ANKRD37: variants seen among roughly 807,000 people sequenced by gnomAD.
The protein encoded by ANKRD37 is ankyrin repeat domain 37.
In ANKRD37, 17 loss-of-function variants were observed where a neutral mutation model predicts 19.7. The ratio of observed to expected loss-of-function variants is 0.86; its 90% CI spans 0.59 to 1.29. ANKRD37 has a LOEUF of 1.29. Ranked by LOEUF, ANKRD37 falls within the 50% of genes most tolerant of loss-of-function variation. ANKRD37 has a pLI of 0.00. For missense variants in ANKRD37, 207 were observed against 190.4 expected (o/e 1.09, Z -0.51); for synonymous variants, 79 against 74.5 (o/e 1.06, Z -0.31).
Position 185,397,448 on chromosome 4 carries a change from G to A in ANKRD37, c.180+146G>A, listed in dbSNP as rs1038289837. 13 of 1,134,348 alleles carry A rather than the reference G, an allele frequency of 1.1e-5. No individual in the cohort carries two copies. In the African/African-American group the frequency reaches 1.6e-4, roughly 14 times the overall value. 70.3% of individuals were successfully genotyped at this position (1,134,348 alleles called of 1,614,324 possible). A position where few individuals can be genotyped will look rare whatever the true frequency, so the allele number is the denominator to read the frequency against. On this transcript the variant is annotated intron_variant, in intron 2 of 4. Coordinates refer to ENST00000335174, the MANE Select transcript of ANKRD37 (RefSeq NM_181726.4). ...CAGAAATATAATGCAAGACACAGAT[G>A]TAATTTAAGAGTTTTTTTCCAGTCT...
rs2095509355 is a variant in ANKRD37 at position 185,398,842 on chromosome 4, A to C, written c.181-95A>C. On this transcript the variant is annotated intron_variant, in intron 2 of 4. Transcript: ENST00000335174. Reference sequence around the variant, plus strand: ...CCCTGTCCAGTACAATGCAGTTCTAACTAGCTTCCTTAAATAGCTAATATT... The same window carrying C: ...CCCTGTCCAGTACAATGCAGTTCTACCTAGCTTCCTTAAATAGCTAATATT... 16 of 987,968 alleles carry C rather than the reference A, an allele frequency of 1.6e-5. No individual in the cohort carries two copies. In the South Asian group the frequency reaches 2.1e-4, roughly 13 times the overall value. The allele number at this position is 987,968 out of a possible 1,614,324, so 61.2% of individuals were successfully genotyped here.
Position 185,399,772 on chromosome 4 carries a change from T to C in ANKRD37, c.475T>C (p.Ter159ArgextTer9). 1 of 1,614,036 alleles carries C rather than the reference T, an allele frequency of 6.2e-7. No individual in the cohort carries two copies. Among genetic ancestry groups the C allele is most frequent in the Non-Finnish European group, 8.5e-7 (1 of 1,179,978 alleles). The change falls in exon 4 of 5, where the codon TGA becomes CGA. Residue 159 changes from the stop codon to arginine (R), a stop_lost and splice_region_variant. Coordinates refer to ENST00000335174, the MANE Select transcript of ANKRD37 (RefSeq NM_181726.4). Reference protein sequence around the residue: ...VENTSGKRKC* With the variant: ...VENTSGKRKCR ...AAATACCAGTGGGAAAAGGAAGTGC[T>C]GGTAAGTAACTCAGAGCTGCTGCTT...
chr4:185,399,374 G>A (rs183391005), intron 3 of ANKRD37, among the ~76,000 whole-genome samples, 196 bp from the exon 4 acceptor site: 5 of 152,252 alleles, frequency 3.3e-5, no homozygotes, highest in African/African-American at 1.2e-4. Context: ...ATTCAGAACT[G>A]GAATGCCCGC....
chr4:185,398,200 C>T (rs1360179849), intron 2 of ANKRD37, among the ~76,000 whole-genome samples: 2 of 152,170 alleles, frequency 1.3e-5, no homozygotes, highest in East Asian at 3.8e-4. Context: ...TTAGGTGATC[C>T]GCCTGCCTCA....
At chr4:185,397,057 A>G (rs2095505418) in intron 1 of ANKRD37, 93 bp from the exon 2 acceptor site, 1 of 1,610,248 alleles carries the variant, frequency 6.2e-7, no homozygotes, top group East Asian at 2.2e-5. Context: ...GCCTGGTCAG[A>G]GCTGGTTGTG....
chr4:185,396,901 T>C lies in ANKRD37; in HGVS notation c.-23T>C. Reference sequence around the variant, plus strand: ...CACCTCTCTGCACTTCCAAGGACTCTTGTCATCTGCCTTAGGCGGGAAATG... The same window carrying C: ...CACCTCTCTGCACTTCCAAGGACTCCTGTCATCTGCCTTAGGCGGGAAATG... On this transcript the variant is annotated 5_prime_UTR_variant, in exon 1 of 5. Coordinates refer to ENST00000335174, the MANE Select transcript of ANKRD37 (RefSeq NM_181726.4). The C allele has an allele frequency of 6.2e-7, 1 of 1,613,108 alleles. No individual in the cohort carries two copies. Among genetic ancestry groups the C allele is most frequent in the Non-Finnish European group, 8.5e-7 (1 of 1,179,988 alleles).
intron 1 of ANKRD37, 42 bp downstream of exon 1, chr4:185,396,992 G>C: frequency 1.2e-6 from 2 of 1,612,508 alleles, no homozygotes; most frequent in Non-Finnish European, 1.7e-6. Context: ...TGTCCTGCAG[G>C]CTCAAGCTTC....
rs1361332813 is a variant in ANKRD37 at position 185,399,890 on chromosome 4, T to C, written c.476+117T>C. 4 of 1,541,246 alleles carry C rather than the reference T, an allele frequency of 2.6e-6. No homozygotes were observed. The Admixed American group carries it at 6.1e-5, about 24-fold the overall frequency. On this transcript the variant is annotated intron_variant, in intron 4 of 4. Transcript: ENST00000335174. ...TTCTAGTAGTATTGTTTCATTCTCA[T>C]TAACATTTTAGTACTGGTTATACTT...
Position 185,400,061 on chromosome 4 carries a change from A to G in ANKRD37, c.*44A>G. On this transcript the variant is annotated 3_prime_UTR_variant, in exon 5 of 5. Coordinates refer to ENST00000335174, the MANE Select transcript of ANKRD37 (RefSeq NM_181726.4). ...GAAGTCTGAAGAACGCCTTCATTTC[A>G]TGCAAATCTATAAGCTCCTGCTTTT... The G allele has an allele frequency of 6.6e-7, 1 of 1,517,022 alleles. No individual in the cohort carries two copies. The highest frequency in any genetic ancestry group is 9.0e-7 in the Non-Finnish European group (1 of 1,105,224). The allele number at this position is 1,517,022 out of a possible 1,614,324, so 94.0% of individuals were successfully genotyped here.
rs763683249 is a variant in ANKRD37 at position 185,396,892 on chromosome 4, C to T, written c.-32C>T. 8 of 1,612,486 alleles carry T rather than the reference C, an allele frequency of 5.0e-6. No homozygotes were observed. The highest frequency in any genetic ancestry group is 3.3e-5 in the South Asian group (3 of 91,080). Reference sequence around the variant, plus strand: ...CGAGTGTCTCACCTCTCTGCACTTCCAAGGACTCTTGTCATCTGCCTTAGG... The same window carrying T: ...CGAGTGTCTCACCTCTCTGCACTTCTAAGGACTCTTGTCATCTGCCTTAGG... On this transcript the variant is annotated 5_prime_UTR_variant, in exon 1 of 5. Transcript: ENST00000335174.
At position 185,397,225 on chromosome 4, in the gene ANKRD37, G is replaced by C. The variant is rs1414613084; in HGVS notation, c.103G>C (p.Val35Leu). Residue 35 changes from valine to leucine, a missense_variant, in exon 2 of 5, where the codon GTC (valine) becomes CTC (leucine). Physicochemically the swap from Val to Leu is conservative, Grantham distance 32. Transcript: ENST00000335174. ...CCCGGATCCCTGCAAGCAGTCGCCT[G>C]TCCACTTAGCCGCAGGAAGCGGCCT... ...APPDPCKQSP[V>L]HLAAGSGLAC... 2.5e-6 allele frequency: 4 copies of C among 1,614,030 alleles called. No individual in the cohort carries two copies. In the African/African-American group the frequency reaches 4.0e-5, roughly 16 times the overall value.
At chr4:185,399,854 G>GAC (rs2095511103) in intron 4 of ANKRD37, 81 bp downstream of exon 4, 16 of 1,577,890 alleles carry the variant, frequency 1.0e-5, no homozygotes, top group Non-Finnish European at 1.4e-5. Flanking sequence ...ATTTAATACT[G>GAC]ACACTCGTAT....
At chr4:185,399,192 TACTC>T (rs1401155840) in intron 3 of ANKRD37, among the ~76,000 whole-genome samples, 164 bp downstream of exon 3, 1 of 152,240 alleles carries the variant, frequency 6.6e-6, no homozygotes, top group Non-Finnish European at 1.5e-5. Context: ...TATCGAATAA[TACTC>T]AGTTCGAGTA....
intron 3 of ANKRD37, 81 bp downstream of exon 3, chr4:185,399,109 C>A: frequency 1.7e-6 from 2 of 1,185,922 alleles, no homozygotes; most frequent in Non-Finnish European, 2.5e-6. Context: ...GTTACATGTG[C>A]TTTTAAAAAT....
At chr4:185,397,377 G>C in intron 2 of ANKRD37, 75 bp downstream of exon 2, 1 of 1,548,634 alleles carries the variant, frequency 6.5e-7, no homozygotes, top group Non-Finnish European at 8.7e-7. Flanking sequence ...CAGACGCCAA[G>C]AGTTGTTTCA....
At chr4:185,397,876 AG>A (rs2095507319) in intron 2 of ANKRD37, among the ~76,000 whole-genome samples, 1 of 152,264 alleles carries the variant, frequency 6.6e-6, no homozygotes, top group African/African-American at 2.4e-5. Context: ...TGAATATTAA[AG>A]CATGGTGAAT....
intron 1 of ANKRD37, 36 bp downstream of exon 1, chr4:185,396,986 C>A (rs1247390502): frequency 1.2e-5 from 20 of 1,612,814 alleles, no homozygotes; most frequent in Non-Finnish European, 1.7e-5. Context: ...AGCTTTTGTC[C>A]TGCAGGCTCA....
chr4:185,399,986 GTTT>G, intron 4 of ANKRD37, 28 bp from the exon 5 acceptor site: 1 of 1,597,692 alleles, frequency 6.3e-7, no homozygotes, highest in Non-Finnish European at 8.5e-7. Flanking sequence ...TTAAAAAAAA[GTTT>G]TTAATGTTAA....
chr4:185,397,986 T>C (rs996347633), intron 2 of ANKRD37, among the ~76,000 whole-genome samples: 4 of 152,240 alleles, frequency 2.6e-5, no homozygotes, highest in South Asian at 2.1e-4. Flanking sequence ...AGACGGAGTT[T>C]TGCTTTTGTC....
Sources: gnomAD v4.1 joint callset for allele counts (sites outside exome capture counted in the v4.1 genomes callset) on GRCh38, gnomAD v4.1.1 for gene constraint, MANE v1.5 for transcripts, NCBI Gene and HGNC (gene_info 2026-07-23, HGNC 2026-07-21) for gene names.